Variants in TANC1 observed in about 807,000 individuals in gnomAD.
TANC1 encodes tetratricopeptide repeat, ankyrin repeat and coiled-coil containing 1.
A neutral mutation model predicts 149.7 loss-of-function variants in TANC1; 77 were observed. That is an observed-to-expected ratio of 0.51 (90% CI 0.43 to 0.62). The LOEUF (loss-of-function observed/expected upper bound fraction) is 0.62. Among genes scored for constraint, TANC1 ranks in the 20% least tolerant of loss-of-function variants. The pLI is 0.00. For synonymous variants in TANC1, 854 were observed against 925.0 expected (o/e 0.92, Z 1.39); for missense variants, 1,985 against 2,321.8 (o/e 0.85, Z 2.98).
At position 159,172,103 on chromosome 2, in the gene TANC1, A is replaced by G. The variant is rs565452422; in HGVS notation, c.1352-18A>G. The G allele has an allele frequency of 2.9e-4, 460 of 1,612,252 alleles. 8 individuals are homozygous for G. In the South Asian group the frequency reaches 4.8e-3, roughly 17 times the overall value. The stretch of plus-strand genomic sequence containing the variant: ...CTCCTACTGTGATGTACATAATGAA[A>G]TGGGTCTTTCTCTGCAGCCTCTGAC... On this transcript the variant is annotated intron_variant, in intron 10 of 26. Transcript: ENST00000263635.
At chr2:159,150,670 C>T in intron 7 of TANC1, 114 bp downstream of exon 7, 2 of 766,358 alleles carry the variant, frequency 2.6e-6, no homozygotes, top group Admixed American at 4.6e-5. Flanking sequence ...TCTGCCAGCG[C>T]CTGCTCTGTT....
intron 3 of TANC1, among the ~76,000 whole-genome samples, chr2:159,077,273 T>C (rs778052837): frequency 2.8e-4 from 42 of 152,212 alleles, no homozygotes; most frequent in Non-Finnish European, 5.7e-4. Flanking sequence ...AAGCAAAGTT[T>C]TGCTTGGTAT....
chr2:159,199,143 T>G, intron 19 of TANC1, 90 bp downstream of exon 19: 1 of 870,672 alleles, frequency 1.1e-6, no homozygotes. Context: ...ATGACTGATA[T>G]ATGTAGTCCT....
At chr2:159,003,016 C>T (rs1024742182) in intron 2 of TANC1, among the ~76,000 whole-genome samples, 1 of 152,190 alleles carries the variant, frequency 6.6e-6, no homozygotes, top group African/African-American at 2.4e-5. Flanking sequence ...TCATCAGCAT[C>T]GCTGGAAAGT....
intron 5 of TANC1, among the ~76,000 whole-genome samples, chr2:159,142,884 T>G (rs1424248580): frequency 2.0e-5 from 3 of 151,118 alleles, no homozygotes; most frequent in Non-Finnish European, 4.4e-5. Context: ...GCCAACATGG[T>G]GAAACCTTGT....
intron 2 of TANC1, chr2:159,027,076 T>G (rs2039408429): frequency 6.6e-6 from 1 of 152,170 alleles, no homozygotes; most frequent in Non-Finnish European, 1.5e-5. Flanking sequence ...GTTATCCTTG[T>G]GCAGGGACCA....
chr2:159,107,319 G>A (rs2047282298), intron 4 of TANC1, among the ~76,000 whole-genome samples: 1 of 152,224 alleles, frequency 6.6e-6, no homozygotes, highest in African/African-American at 2.4e-5. Context: ...GAGCCACCAT[G>A]CCCAGCCGCT....
chr2:159,002,691 C>G (rs1469735857), intron 2 of TANC1, among the ~76,000 whole-genome samples: 1 of 152,114 alleles, frequency 6.6e-6, no homozygotes, highest in Non-Finnish European at 1.5e-5. Flanking sequence ...AATGCCCTCT[C>G]GAGAGTTTCT....
At position 159,125,079 on chromosome 2, in the gene TANC1, C is replaced by T. The variant is rs531262290; in HGVS notation, c.260-11115C>T. Among the ~76,000 whole-genome samples the T allele has an allele frequency of 5.9e-5, 9 of 152,174 alleles. No individual in the cohort carries two copies. In the South Asian group the frequency reaches 1.9e-3, roughly 32 times the overall value. ...CTTTATGGCACATTGTAATTACTAC[C>T]AAAAGTCAGAGGAAGTAAGAGCTAG... On this transcript the variant is annotated intron_variant, in intron 4 of 26. Coordinates refer to ENST00000263635, the MANE Select transcript of TANC1 (RefSeq NM_033394.3).
chr2:159,152,361 A>G (rs901799041), intron 7 of TANC1, among the ~76,000 whole-genome samples: 3 of 151,852 alleles, frequency 2.0e-5, no homozygotes, highest in South Asian at 2.1e-4. Flanking sequence ...TCTCCTGCAG[A>G]TAGTTTATCT....
intron 7 of TANC1, among the ~76,000 whole-genome samples, chr2:159,162,787 T>G: frequency 6.6e-6 from 1 of 152,202 alleles, no homozygotes. Flanking sequence ...ATTCTCTGTT[T>G]GACTTTATAA....
intron 5 of TANC1, among the ~76,000 whole-genome samples, chr2:159,140,798 C>G (rs545411271): frequency 6.8e-6 from 1 of 146,182 alleles, no homozygotes; most frequent in South Asian, 2.2e-4. Context: ...TCAAGCGATT[C>G]TTTTGCCTCA....
chr2:159,066,182 A>G (rs545493822), intron 3 of TANC1, among the ~76,000 whole-genome samples: 1 of 152,338 alleles, frequency 6.6e-6, no homozygotes, highest in East Asian at 1.9e-4. Flanking sequence ...CCAAGGCAGG[A>G]GGATTGCTTG....
At chr2:159,100,059 A>G (rs1300897433) in intron 4 of TANC1, among the ~76,000 whole-genome samples, 1 of 152,194 alleles carries the variant, frequency 6.6e-6, no homozygotes, top group Non-Finnish European at 1.5e-5. Context: ...TATATAATAG[A>G]TAATAGAGAT....
chr2:159,151,606 T>C (rs1473774490), intron 7 of TANC1, among the ~76,000 whole-genome samples: 3 of 152,214 alleles, frequency 2.0e-5, no homozygotes, highest in Admixed American at 6.5e-5. Context: ...ACCTGCAGTT[T>C]ATTTCAAGTG....
At chr2:159,116,173 TC>T (rs778613257) in intron 4 of TANC1, among the ~76,000 whole-genome samples, 10 of 152,068 alleles carry the variant, frequency 6.6e-5, no homozygotes, top group Non-Finnish European at 1.2e-4. Context: ...ACACTTGTAA[TC>T]CCAGCACTTT....
chr2:159,199,191 C>T (rs969257923), intron 19 of TANC1, 138 bp downstream of exon 19: 3 of 606,240 alleles, frequency 4.9e-6, no homozygotes, highest in East Asian at 3.0e-5. Context: ...GTTTAGAGCT[C>T]CTTGAACTTT....
intron 3 of TANC1, among the ~76,000 whole-genome samples, chr2:159,081,594 T>A (rs1429514532): frequency 6.6e-6 from 1 of 152,164 alleles, no homozygotes; most frequent in Non-Finnish European, 1.5e-5. Context: ...GCAACTGTAT[T>A]GTGTTGGGGA....
At chr2:159,223,068 G>A (rs1450408253) in intron 22 of TANC1, among the ~76,000 whole-genome samples, 1 of 152,094 alleles carries the variant, frequency 6.6e-6, no homozygotes, top group African/African-American at 2.4e-5. Flanking sequence ...ACCACACCCA[G>A]CTTATTTTTG....
Sources: allele counts gnomAD v4.1 joint callset (sites outside exome capture counted in the v4.1 genomes callset), GRCh38; gene constraint gnomAD v4.1.1; transcripts MANE v1.5; gene names NCBI Gene and HGNC (gene_info 2026-07-23, HGNC 2026-07-21).